Variants in SPTY2D1 observed in about 807,000 individuals in gnomAD.
SPTY2D1 encodes the protein SPT2 chromatin protein domain containing 1, also known as protein SPT2 homolog.
A neutral mutation model predicts 64.0 loss-of-function variants in SPTY2D1; 21 were observed. That is an observed-to-expected ratio of 0.33 (90% CI 0.23 to 0.47). The LOEUF is 0.47. SPTY2D1 is among the 20% of genes least tolerant of loss of function. The pLI is 1.00. For synonymous variants in SPTY2D1, 287 were observed against 286.8 expected (o/e 1.00, Z -0.01); for missense variants, 724 against 837.2 (o/e 0.86, Z 1.67).
At chr11:18,623,474 A>AT (rs397706198) in intron 1 of SPTY2D1, among the ~76,000 whole-genome samples, 6 of 38,800 alleles carry the variant, frequency 1.5e-4, no homozygotes, top group Non-Finnish European at 1.0e-3. Flanking sequence ...TTTATATGTC[A>AT]ATTGGACTAG....
At chr11:18,622,430 T>C (rs527718332) in intron 1 of SPTY2D1, among the ~76,000 whole-genome samples, 1 of 151,512 alleles carries the variant, frequency 6.6e-6, no homozygotes, top group South Asian at 2.1e-4. Flanking sequence ...ACACAGCTGA[T>C]GTGGGAGGAT....
chr11:18,617,598 C>T (rs1590401905), intron 1 of SPTY2D1, among the ~76,000 whole-genome samples: 1 of 109,144 alleles, frequency 9.2e-6, no homozygotes, highest in African/African-American at 3.5e-5. Context: ...TGCACTGTAG[C>T]CCGGGCGACA....
At chr11:18,622,981 C>CAA (rs1854440025) in intron 1 of SPTY2D1, among the ~76,000 whole-genome samples, 1 of 151,984 alleles carries the variant, frequency 6.6e-6, no homozygotes, top group Non-Finnish European at 1.5e-5. Context: ...ACAACAACAA[C>CAA]AACAACAACA....
At chr11:18,626,164 C>G (rs1854494595) in intron 1 of SPTY2D1, among the ~76,000 whole-genome samples, 1 of 152,148 alleles carries the variant, frequency 6.6e-6, no homozygotes, top group Non-Finnish European at 1.5e-5. Context: ...ACACTTGGAT[C>G]TCTAGTTCTA....
At chr11:18,616,854 A>T in intron 2 of SPTY2D1, 21 bp downstream of exon 2, 1 of 1,606,874 alleles carries the variant, frequency 6.2e-7, no homozygotes, top group Middle Eastern at 1.7e-4. Context: ...TAAAATTGAG[A>T]ATAAGGCTAT....
At chr11:18,626,299 T>C (rs1313712745) in intron 1 of SPTY2D1, among the ~76,000 whole-genome samples, 4 of 152,216 alleles carry the variant, frequency 2.6e-5, no homozygotes, top group African/African-American at 7.2e-5. Context: ...ATGCTGGCAC[T>C]GTCCTAAACA....
In SPTY2D1 at chr11:18,614,825, G is replaced by A. The variant is rs772014467; in HGVS notation, c.1449C>T (p.Gly483=). 1.9e-6 allele frequency: 3 copies of A among 1,613,072 alleles called. No individual in the cohort carries two copies. The highest frequency in any genetic ancestry group is 1.1e-5 in the South Asian group (1 of 90,956). The part of the protein sequence containing the change: ...HELRRPVSGL[G]PPGRSVSGPG... ...GGCCACTGACAGACCGCCCCGGGGG[G>A]CCCAAGCCACTCACTGGTCGTCGAA... Residue 483 remains glycine, a synonymous_variant, in exon 3 of 6, where the codon GGC becomes GGT. Coordinates refer to ENST00000336349, the MANE Select transcript of SPTY2D1 (RefSeq NM_194285.3).
chr11:18,633,175 G>T (rs1398783813), intron 1 of SPTY2D1, among the ~76,000 whole-genome samples: 3 of 151,872 alleles, frequency 2.0e-5, no homozygotes, highest in African/African-American at 7.3e-5. Context: ...AGGGATAAAA[G>T]AATGAACTAG....
At chr11:18,610,160 C>A in intron 5 of SPTY2D1, 1 of 483,626 alleles carries the variant, frequency 2.1e-6, no homozygotes, top group Non-Finnish European at 3.6e-6. Flanking sequence ...AAAGAACTCA[C>A]ACACCACAAA....
chr11:18,614,499 A>G, intron 3 of SPTY2D1, 64 bp downstream of exon 3: 1 of 1,495,706 alleles, frequency 6.7e-7, no homozygotes, highest in Non-Finnish European at 9.1e-7. Context: ...CCCTGATAAT[A>G]TAAAAACTCT....
chr11:18,617,124 T>A, intron 1 of SPTY2D1, 135 bp from the exon 2 acceptor site: 1 of 643,280 alleles, frequency 1.6e-6, no homozygotes, highest in Non-Finnish European at 2.6e-6. Flanking sequence ...AGAGATCATA[T>A]AACCCATAAT....
intron 1 of SPTY2D1, among the ~76,000 whole-genome samples, chr11:18,620,120 A>AC (rs1854368882): frequency 6.6e-6 from 1 of 152,136 alleles, no homozygotes; most frequent in African/African-American, 2.4e-5. Flanking sequence ...TTTGCATACT[A>AC]CCTTTATGAT....
chr11:18,611,615 T>C lies in SPTY2D1; in HGVS notation c.1887-61A>G, dbSNP rs1025548713. 6.6e-5 allele frequency: 88 copies of C among 1,333,390 alleles called. 1 individual carries two copies. The Middle Eastern group carries it at 9.3e-4, about 14-fold the overall frequency. The allele number at this position is 1,333,390 out of a possible 1,614,324, so 82.6% of individuals were successfully genotyped here. ...ACTTCAATTTTCTAAAGGAACTACG[T>C]CCTCTCATTTAAAAAATCAATATCT... On this transcript the variant is annotated intron_variant, in intron 4 of 5. Coordinates refer to ENST00000336349, the MANE Select transcript of SPTY2D1 (RefSeq NM_194285.3).
intron 5 of SPTY2D1, among the ~76,000 whole-genome samples, chr11:18,610,667 T>TAAAAAAAAAAAAAAAAAAAAAAA (rs58363516): frequency 1.0e-5 from 1 of 96,708 alleles, no homozygotes; most frequent in African/African-American, 3.7e-5. Context: ...CCCTGTCTCT[T>TAAAAAAAAAAAAAAAAAAAAAAA]AAAAAAAAAA....
intron 1 of SPTY2D1, among the ~76,000 whole-genome samples, chr11:18,626,855 T>A (rs952312430): frequency 5.9e-5 from 9 of 152,070 alleles, no homozygotes; most frequent in Non-Finnish European, 1.3e-4. Context: ...GAACAGTAGT[T>A]TCTAAAAGAC....
At chr11:18,617,066 G>T in intron 1 of SPTY2D1, 77 bp from the exon 2 acceptor site, 1 of 1,134,578 alleles carries the variant, frequency 8.8e-7, no homozygotes, top group Non-Finnish European at 1.3e-6. Flanking sequence ...ACTGTGCCAG[G>T]TAATAAGAGG....
intron 2 of SPTY2D1, 31 bp from the exon 3 acceptor site, chr11:18,616,129 A>G: frequency 6.5e-7 from 1 of 1,542,776 alleles, no homozygotes; most frequent in Middle Eastern, 1.7e-4. Context: ...ATATGTTATT[A>G]CTTCGAGATC....
intron 1 of SPTY2D1, among the ~76,000 whole-genome samples, chr11:18,629,681 T>C (rs1854554786): frequency 6.6e-6 from 1 of 152,210 alleles, no homozygotes; most frequent in Non-Finnish European, 1.5e-5. Context: ...TGACGACAAC[T>C]TGTTTCATCA....
chr11:18,606,890 T>G lies in SPTY2D1; in HGVS notation c.*2971A>C, dbSNP rs1169391142. On this transcript the variant is annotated 3_prime_UTR_variant, in exon 6 of 6. Transcript: ENST00000336349. ...ATTCTTTTTTTTTTGACATGGAGTC[T>G]CGCTCTGTCACCCAGCCTGGAGTGC... 2.3e-5 allele frequency: 8 copies of G among 346,110 alleles called. No individual in the cohort carries two copies. The highest frequency in any genetic ancestry group is 4.3e-5 in the Non-Finnish European group (8 of 185,820). 21.4% of individuals were successfully genotyped at this position (346,110 alleles called of 1,614,324 possible).
Sources: allele counts gnomAD v4.1 joint callset (sites outside exome capture counted in the v4.1 genomes callset), GRCh38; gene constraint gnomAD v4.1.1; transcripts MANE v1.5; gene names NCBI Gene and HGNC (gene_info 2026-07-23, HGNC 2026-07-21).